TIAM2: variants seen among roughly 807,000 people sequenced by gnomAD.
TIAM2 encodes TIAM Rac1 associated GEF 2.
Under a neutral mutation model 152.9 loss-of-function variants are expected in TIAM2, and 80 were observed. The ratio of observed to expected loss-of-function variants is 0.52; its 90% CI spans 0.44 to 0.63. The LOEUF is 0.63. TIAM2 is among the 30% of genes least tolerant of loss of function. The pLI is 0.00. For missense variants in TIAM2, 1,965 were observed against 2,120.1 expected (o/e 0.93, Z 1.44); for synonymous variants, 804 against 838.0 (o/e 0.96, Z 0.70).
intron 15 of TIAM2, among the ~76,000 whole-genome samples, chr6:155,236,326 T>C (rs1400026559): frequency 2.0e-5 from 3 of 151,850 alleles, no homozygotes; most frequent in South Asian, 2.1e-4. Context: ...GCAGTTCTCA[T>C]GCAGGCCACA....
intron 1 of TIAM2, among the ~76,000 whole-genome samples, chr6:155,064,134 T>C (rs930467508): frequency 1.6e-4 from 25 of 152,170 alleles, no homozygotes; most frequent in Non-Finnish European, 2.6e-4. Flanking sequence ...TAAGTTGATA[T>C]AGAGTTTTAT....
intron 24 of TIAM2, chr6:155,253,735 A>G: frequency 2.4e-6 from 1 of 420,618 alleles, no homozygotes; most frequent in Non-Finnish European, 4.2e-6. Context: ...CTCCAGAGAG[A>G]GGGTGAAGGC....
chr6:155,171,832 T>C (rs1225964738), intron 9 of TIAM2, among the ~76,000 whole-genome samples: 1 of 152,242 alleles, frequency 6.6e-6, no homozygotes, highest in Non-Finnish European at 1.5e-5. Context: ...CATTTTACTG[T>C]TGTTAAGAAA....
At chr6:154,997,333 AT>A (rs1311568466) in intron 1 of TIAM2, among the ~76,000 whole-genome samples, 1 of 152,190 alleles carries the variant, frequency 6.6e-6, no homozygotes, top group Non-Finnish European at 1.5e-5. Flanking sequence ...ACATTTTTGT[AT>A]ATACCTCTGG....
chr6:155,149,890 C>G (rs1169563425), intron 7 of TIAM2, among the ~76,000 whole-genome samples: 2 of 150,172 alleles, frequency 1.3e-5, no homozygotes, highest in South Asian at 2.1e-4. Flanking sequence ...GCACTGCACT[C>G]TAGCCTGGGG....
intron 7 of TIAM2, among the ~76,000 whole-genome samples, chr6:155,153,464 T>G (rs991681214): frequency 6.6e-6 from 1 of 152,018 alleles, no homozygotes; most frequent in African/African-American, 2.4e-5. Flanking sequence ...AAAAAGAAAT[T>G]CTACCTGGAA....
intron 2 of TIAM2, among the ~76,000 whole-genome samples, chr6:155,101,037 G>A (rs1465756166): frequency 6.6e-6 from 1 of 152,114 alleles, no homozygotes; most frequent in Non-Finnish European, 1.5e-5. Context: ...ATCACACGTG[G>A]GAGGTAAACC....
chr6:155,150,712 G>A (rs1351336172), intron 7 of TIAM2, among the ~76,000 whole-genome samples: 1 of 152,136 alleles, frequency 6.6e-6, no homozygotes, highest in Non-Finnish European at 1.5e-5. Context: ...CAAGATGCCG[G>A]CAGATTCAGT....
At position 155,137,236 on chromosome 6, in the gene TIAM2, A is replaced by G; in HGVS notation, c.1254A>G (p.Thr418=). 3.7e-6 allele frequency: 6 copies of G among 1,614,218 alleles called. No homozygotes were observed. Among genetic ancestry groups the G allele is most frequent in the Non-Finnish European group, 4.2e-6 (5 of 1,180,044 alleles). Residue 418 remains threonine, a synonymous_variant, in exon 5 of 27, where the codon ACA becomes ACG. Transcript: ENST00000682666. Reference sequence around the variant, plus strand: ...ACAGTCGCTCTGATGGACTGAATACAGATGTGCAGGGATCCTCCCAGGCAT... The same window carrying G: ...ACAGTCGCTCTGATGGACTGAATACGGATGTGCAGGGATCCTCCCAGGCAT... ...YFDSRSDGLN[T]DVQGSSQASA... is the part of the protein sequence containing the mutation.
At position 155,253,940 on chromosome 6, in the gene TIAM2, T is replaced by A. The variant is rs549350683; in HGVS notation, c.4226-33T>A. ...TTAACCACAGCATTTTGGGCAAAGTTGTAGACTCTTGTTTCCATTTCCTTT... is the reference window on the plus strand; with the variant it reads ...TTAACCACAGCATTTTGGGCAAAGTAGTAGACTCTTGTTTCCATTTCCTTT... On this transcript the variant is annotated intron_variant, in intron 24 of 26. Coordinates refer to ENST00000682666, the MANE Select transcript of TIAM2 (RefSeq NM_012454.4). 131 of 1,580,270 alleles carry A rather than the reference T, an allele frequency of 8.3e-5. 1 individual carries two copies. In the South Asian group the frequency reaches 1.4e-3, roughly 17 times the overall value.
chr6:155,255,311 G>C (rs3926833), intron 26 of TIAM2: 1 of 151,912 alleles, frequency 6.6e-6, no homozygotes. Flanking sequence ...TTAATCGATA[G>C]GGCACCAAGT....
rs143139870 is a variant in TIAM2 at position 155,138,877 on chromosome 6, A to G, written c.1630+1265A>G. On this transcript the variant is annotated intron_variant, in intron 5 of 26. Transcript: ENST00000682666. ...TTTTTTTTTTAAACATAAAGGCAAT[A>G]GAAGTGAGAATTTGTTTTGTTGACA... is the stretch of plus-strand genomic sequence containing the variant. Among the ~76,000 whole-genome samples, 789 of 152,290 alleles carry G rather than the reference A, an allele frequency of 5.2e-3. 3 individuals carry two copies. Among genetic ancestry groups the G allele is most frequent in the Non-Finnish European group, 8.9e-3 (606 of 68,026 alleles).
intron 12 of TIAM2, among the ~76,000 whole-genome samples, chr6:155,181,380 A>G (rs1336102499): frequency 6.6e-6 from 1 of 152,214 alleles, no homozygotes; most frequent in African/African-American, 2.4e-5. Flanking sequence ...TTGTTTCTCA[A>G]CAATTATTTG....
At position 155,140,562 on chromosome 6, in the gene TIAM2, G is replaced by A. The variant is rs941286734; in HGVS notation, c.1630+2950G>A. Among the ~76,000 whole-genome samples the A allele has an allele frequency of 2.4e-3, 269 of 111,770 alleles. 2 individuals carry two copies. The highest frequency in any genetic ancestry group is 9.8e-3 in the African/African-American group (251 of 25,640). 73.3% of individuals were successfully genotyped at this position (111,770 alleles called of 152,430 possible). On this transcript the variant is annotated intron_variant, in intron 5 of 26. Coordinates refer to ENST00000682666, the MANE Select transcript of TIAM2 (RefSeq NM_012454.4). ...GCAGGGTGACTGTGTGTGTATGTGT[G>A]TGTGTGTGTGTGAGAGAGAGAGAGA...
Position 155,243,997 on chromosome 6 carries a change from C to T in TIAM2, c.3349-14C>T, listed in dbSNP as rs1783188190. The T allele has an allele frequency of 3.7e-6, 6 of 1,611,646 alleles. No homozygotes were observed. Among genetic ancestry groups the T allele is most frequent in the Non-Finnish European group, 5.1e-6 (6 of 1,178,550 alleles). ...ACTAAAGCGTTGAAGACACTTTCTT[C>T]TATTTTCTTTCAGGATTTGAGCTGC... On this transcript the variant is annotated splice_polypyrimidine_tract_variant and intron_variant, in intron 16 of 26. Transcript: ENST00000682666.
chr6:155,159,875 A>G (rs985301315), intron 7 of TIAM2, among the ~76,000 whole-genome samples: 12 of 152,234 alleles, frequency 7.9e-5, no homozygotes, highest in Non-Finnish European at 2.9e-5. Flanking sequence ...TGATCTTTCA[A>G]TATGGAATAG....
At chr6:155,031,537 A>G (rs9397767) in intron 1 of TIAM2, among the ~76,000 whole-genome samples, 24,782 of 152,082 alleles carry the variant, frequency 0.16, 2,203 homozygotes, top group East Asian at 0.31. Flanking sequence ...AGCCTGGGTA[A>G]CATGGCTAAA....
At chr6:155,053,484 TA>T (rs397689749) in intron 1 of TIAM2, among the ~76,000 whole-genome samples, 1 of 148,352 alleles carries the variant, frequency 6.7e-6, no homozygotes, top group South Asian at 2.1e-4. Context: ...TTTTTTTTTT[TA>T]AATTTAGACA....
intron 1 of TIAM2, among the ~76,000 whole-genome samples, chr6:155,014,649 T>C (rs1778543927): frequency 6.6e-6 from 1 of 152,222 alleles, no homozygotes; most frequent in African/African-American, 2.4e-5. Context: ...TGTGAGTATC[T>C]ACGTACACTC....
Sources: allele counts gnomAD v4.1 joint callset (sites outside exome capture counted in the v4.1 genomes callset), GRCh38; gene constraint gnomAD v4.1.1; transcripts MANE v1.5; gene names NCBI Gene and HGNC (gene_info 2026-07-23, HGNC 2026-07-21).